Variants in ZBTB7C observed in about 807,000 individuals in gnomAD.
ZBTB7C encodes zinc finger and BTB domain containing 7C, also known as zinc finger and BTB domain-containing protein 7C.
ZBTB7C carries 8 observed loss-of-function variants against 25.7 expected under a neutral mutation model. The ratio of observed to expected loss-of-function variants is 0.31; its 90% confidence interval spans 0.18 to 0.56. The LOEUF (loss-of-function observed/expected upper bound fraction) is 0.56. Among genes scored for constraint, ZBTB7C ranks in the 20% least tolerant of loss-of-function variants. The pLI is 0.91. For synonymous variants in ZBTB7C, 394 were observed against 369.0 expected (o/e 1.07, Z -0.78); for missense variants, 824 against 855.2 (o/e 0.96, Z 0.46).
At chr18:48,181,400 C>T (rs987171071) in intron 3 of ZBTB7C, among the ~76,000 whole-genome samples, 2 of 152,188 alleles carry the variant, frequency 1.3e-5, no homozygotes, top group Non-Finnish European at 2.9e-5. Context: ...AGAGCCTCCC[C>T]ACTCAGTGGA....
At chr18:48,119,118 C>T (rs929123061) in intron 3 of ZBTB7C, among the ~76,000 whole-genome samples, 2 of 152,164 alleles carry the variant, frequency 1.3e-5, no homozygotes, top group East Asian at 1.9e-4. Flanking sequence ...AGTAGGTTCA[C>T]GGTGGGTCCC....
At chr18:48,079,070 G>A (rs1024412330) in intron 3 of ZBTB7C, among the ~76,000 whole-genome samples, 3 of 152,186 alleles carry the variant, frequency 2.0e-5, no homozygotes, top group African/African-American at 7.2e-5. Flanking sequence ...ATATGCCTAG[G>A]AGTGGATTGC....
chr18:48,066,127 T>G (rs2037319778), intron 3 of ZBTB7C, among the ~76,000 whole-genome samples: 1 of 152,238 alleles, frequency 6.6e-6, no homozygotes, highest in Admixed American at 6.5e-5. Context: ...TCGGCTTCCA[T>G]GCTGTTCATC....
intron 3 of ZBTB7C, among the ~76,000 whole-genome samples, chr18:48,103,306 G>T (rs949889571): frequency 1.1e-4 from 16 of 151,888 alleles, no homozygotes; most frequent in African/African-American, 3.9e-4. Flanking sequence ...ACAACCAAGG[G>T]CTCTGGCAAA....
intron 3 of ZBTB7C, among the ~76,000 whole-genome samples, chr18:48,114,884 C>T (rs1263256535): frequency 6.6e-6 from 1 of 152,170 alleles, no homozygotes. Flanking sequence ...AAATAACTAA[C>T]AATTTTTTTC....
intron 2 of ZBTB7C, among the ~76,000 whole-genome samples, chr18:48,229,968 C>T (rs2043208255): frequency 6.6e-6 from 1 of 152,188 alleles, no homozygotes; most frequent in Non-Finnish European, 1.5e-5. Flanking sequence ...GGCAGCCACC[C>T]CCACCTCCCT....
chr18:48,346,008 C>T (rs1323521303), intron 1 of ZBTB7C, among the ~76,000 whole-genome samples: 4 of 152,180 alleles, frequency 2.6e-5, no homozygotes, highest in South Asian at 2.1e-4. Flanking sequence ...TCACATACAA[C>T]GATTTTCTAG....
At chr18:48,220,760 G>GA (rs1198314437) in intron 2 of ZBTB7C, among the ~76,000 whole-genome samples, 1 of 152,058 alleles carries the variant, frequency 6.6e-6, no homozygotes, top group Non-Finnish European at 1.5e-5. Context: ...CTCTACAATA[G>GA]AAAGAGTCCA....
At chr18:48,401,463 T>C (rs2048157832) in intron 1 of ZBTB7C, among the ~76,000 whole-genome samples, 1 of 152,160 alleles carries the variant, frequency 6.6e-6, no homozygotes, top group Non-Finnish European at 1.5e-5. Context: ...AGAGCTTATG[T>C]GATGTGCCCA....
chr18:48,029,583 C>A lies in ZBTB7C; in HGVS notation c.1537G>T (p.Glu513Ter). Residue 513 changes from glutamate (E) to a stop codon, truncating the protein, a stop_gained, in exon 5 of 5, where the codon GAG (glutamate) becomes TAG (stop). Transcript: ENST00000590800. LOFTEE classifies it low-confidence loss of function (END_TRUNC). ...GCGCCGCCCAGGTGGCCGCCCACCTCGCCCAGCGCAGGGGGCATCACGAAG... is the reference window on the plus strand; with the variant it reads ...GCGCCGCCCAGGTGGCCGCCCACCTAGCCCAGCGCAGGGGGCATCACGAAG... ...AAFVMPPALGEVGGHLGGAAV... is the reference protein window; with the variant it reads ...AAFVMPPALG 1 of 1,485,636 alleles carries A rather than the reference C, an allele frequency of 6.7e-7. No individual in the cohort carries two copies. Among genetic ancestry groups the A allele is most frequent in the Non-Finnish European group, 8.8e-7 (1 of 1,132,076 alleles). 92.0% of individuals were successfully genotyped at this position (1,485,636 alleles called of 1,614,324 possible).
At chr18:48,243,044 G>A (rs547932240) in intron 2 of ZBTB7C, among the ~76,000 whole-genome samples, 7 of 152,012 alleles carry the variant, frequency 4.6e-5, no homozygotes, top group Middle Eastern at 3.4e-3. Context: ...CAGGTGGATC[G>A]CTTGAGGACA....
At chr18:48,318,318 C>A (rs369317786) in intron 2 of ZBTB7C, among the ~76,000 whole-genome samples, 1 of 152,234 alleles carries the variant, frequency 6.6e-6, no homozygotes, top group African/African-American at 2.4e-5. Context: ...CCAACCCCCC[C>A]TCACAAGTCC....
At chr18:48,041,343 T>A in intron 3 of ZBTB7C, 1 of 985,442 alleles carries the variant, frequency 1.0e-6, no homozygotes, top group Non-Finnish European at 1.2e-6. Context: ...AGGGATAGGC[T>A]TCTCACTGGG....
intron 3 of ZBTB7C, among the ~76,000 whole-genome samples, chr18:48,063,522 G>A (rs1289147387): frequency 6.6e-6 from 1 of 152,230 alleles, no homozygotes; most frequent in African/African-American, 2.4e-5. Flanking sequence ...AGGAGGGGAA[G>A]TTAATGAGAT....
intron 1 of ZBTB7C, among the ~76,000 whole-genome samples, chr18:48,362,774 G>A (rs1057062387): frequency 1.3e-5 from 2 of 152,042 alleles, no homozygotes; most frequent in Non-Finnish European, 2.9e-5. Context: ...CTTTTGGCTC[G>A]AAGAAGGTAC....
chr18:48,094,993 A>ACTTTTCAAC (rs1186446914), intron 3 of ZBTB7C, among the ~76,000 whole-genome samples: 7 of 152,108 alleles, frequency 4.6e-5, no homozygotes, highest in Non-Finnish European at 8.8e-5. Flanking sequence ...ATTTCACAGC[A>ACTTTTCAAC]CTTTTCAACC....
At chr18:48,075,264 C>T (rs907901158) in intron 3 of ZBTB7C, among the ~76,000 whole-genome samples, 1 of 152,214 alleles carries the variant, frequency 6.6e-6, no homozygotes, top group East Asian at 1.9e-4. Flanking sequence ...GGTCATTTCT[C>T]CCCTCCCAAA....
At chr18:48,326,465 G>A (rs1243707188) in intron 2 of ZBTB7C, among the ~76,000 whole-genome samples, 3 of 152,058 alleles carry the variant, frequency 2.0e-5, no homozygotes, top group Admixed American at 2.0e-4. Context: ...CAACAAAATA[G>A]TTCAGACTGA....
intron 2 of ZBTB7C, among the ~76,000 whole-genome samples, chr18:48,200,595 CA>C (rs2042417643): frequency 6.6e-6 from 1 of 152,162 alleles, no homozygotes; most frequent in Non-Finnish European, 1.5e-5. Flanking sequence ...TCCACCTAGT[CA>C]TGAGGATAGA....
Sources: allele counts gnomAD v4.1 joint callset (sites outside exome capture counted in the v4.1 genomes callset), GRCh38; gene constraint gnomAD v4.1.1; transcripts MANE v1.5; gene names NCBI Gene and HGNC (gene_info 2026-07-23, HGNC 2026-07-21).